AFAP1L2: variants seen among roughly 807,000 people sequenced by gnomAD.
AFAP1L2 encodes the protein actin filament associated protein 1 like 2.
AFAP1L2 carries 46 observed loss-of-function variants against 99.3 expected under a neutral mutation model. That is an observed-to-expected ratio of 0.46 (90% CI 0.37 to 0.59). The LOEUF (loss-of-function observed/expected upper bound fraction) is 0.59. AFAP1L2 is among the 20% of genes least tolerant of loss of function. The probability of loss-of-function intolerance (pLI) is 0.00; values close to 1 mark genes in which losing one functional copy is unlikely to be tolerated. For synonymous variants in AFAP1L2, 397 were observed against 419.1 expected, an observed-to-expected ratio of 0.95 and a Z score of 0.64; for missense variants, 959 against 1,034.9, an observed-to-expected ratio of 0.93 and a Z score of 1.01.
At chr10:114,366,019 A>C (rs994276403) in intron 1 of AFAP1L2, among the ~76,000 whole-genome samples, 3 of 152,146 alleles carry the variant, frequency 2.0e-5, no homozygotes, top group African/African-American at 7.2e-5. Context: ...TATAGGTATG[A>C]GCCACTGCAC....
intron 1 of AFAP1L2, among the ~76,000 whole-genome samples, chr10:114,358,474 A>C (rs537166794): frequency 8.5e-5 from 13 of 152,296 alleles, no homozygotes; most frequent in African/African-American, 3.1e-4. Flanking sequence ...CCAAAGTCAC[A>C]CAGCCAGAAA....
chr10:114,379,861 T>C (rs1289182340), intron 1 of AFAP1L2, among the ~76,000 whole-genome samples: 2 of 152,166 alleles, frequency 1.3e-5, no homozygotes, highest in Non-Finnish European at 2.9e-5. Context: ...CCCCAGAAAG[T>C]GGAAATTGGC....
intron 1 of AFAP1L2, among the ~76,000 whole-genome samples, chr10:114,343,803 G>C (rs758262987): frequency 6.6e-6 from 1 of 152,150 alleles, no homozygotes; most frequent in African/African-American, 2.4e-5. Flanking sequence ...GCTGGAGCTG[G>C]AGGCCCCAGC....
At chr10:114,296,257 C>T (rs2040210547) in intron 18 of AFAP1L2, 189 bp from the exon 19 acceptor site, 1 of 718,250 alleles carries the variant, frequency 1.4e-6, no homozygotes, top group African/African-American at 1.8e-5. Context: ...GAGACTGTGG[C>T]ACAACAGCGA....
chr10:114,394,847 G>A lies in AFAP1L2; in HGVS notation c.16+9593C>T, dbSNP rs73369165. 3.2e-3 allele frequency among the ~76,000 whole-genome samples: 480 copies of A among 152,212 alleles called. 1 individual carries two copies. Among genetic ancestry groups the A allele is most frequent in the African/African-American group, 0.011 (470 of 41,518 alleles). On this transcript the variant is annotated intron_variant, in intron 1 of 18. Coordinates refer to ENST00000304129, the MANE Select transcript of AFAP1L2 (RefSeq NM_001001936.3). ...TTCCACCGACTCCTGGGAGACATGA[G>A]TCTCACCCAGCTCAAGTACCTGCCC...
the AFAP1L2 span, chr10:114,289,458 C>T: frequency 6.2e-7 from 1 of 1,614,210 alleles, no homozygotes; most frequent in East Asian, 2.2e-5. Flanking sequence ...TGCGGTACCA[C>T]CAGGACGTGC....
intron 16 of AFAP1L2, among the ~76,000 whole-genome samples, chr10:114,298,598 C>T (rs1035698974): frequency 6.6e-6 from 1 of 152,108 alleles, no homozygotes; most frequent in African/African-American, 2.4e-5. Flanking sequence ...CACCTGTAAT[C>T]CCAGCACTTT....
At chr10:114,301,321 G>C in intron 13 of AFAP1L2, 33 bp downstream of exon 13, 1 of 1,535,180 alleles carries the variant, frequency 6.5e-7, no homozygotes, top group Non-Finnish European at 9.0e-7. Flanking sequence ...AGGGCCTGGA[G>C]AGGCCCAGGC....
At chr10:114,344,523 A>C (rs1210896506) in intron 1 of AFAP1L2, among the ~76,000 whole-genome samples, 1 of 152,212 alleles carries the variant, frequency 6.6e-6, no homozygotes, top group African/African-American at 2.4e-5. Flanking sequence ...CCTGGAAAAT[A>C]GCCTTTGTTT....
At chr10:114,346,654 G>A (rs1487561101) in intron 1 of AFAP1L2, among the ~76,000 whole-genome samples, 3 of 152,150 alleles carry the variant, frequency 2.0e-5, no homozygotes, top group Admixed American at 6.5e-5. Context: ...CTTTCATTTC[G>A]GTCTCTTCCT....
intron 1 of AFAP1L2, among the ~76,000 whole-genome samples, chr10:114,349,850 G>A (rs1431818772): frequency 1.3e-5 from 2 of 152,148 alleles, no homozygotes; most frequent in Non-Finnish European, 2.9e-5. Context: ...CACTGTGAAT[G>A]CTCTGCTCCC....
intron 1 of AFAP1L2, among the ~76,000 whole-genome samples, chr10:114,349,226 A>ACT (rs1292174952): frequency 6.6e-6 from 1 of 151,820 alleles, no homozygotes; most frequent in East Asian, 1.9e-4. Context: ...AAAAATACAA[A>ACT]AATAAGCTGG....
intron 1 of AFAP1L2, among the ~76,000 whole-genome samples, chr10:114,347,664 C>T (rs1025125757): frequency 6.6e-6 from 1 of 152,036 alleles, no homozygotes; most frequent in African/African-American, 2.4e-5. Context: ...GCATGTACCA[C>T]CACGCCCTGC....
intron 1 of AFAP1L2, among the ~76,000 whole-genome samples, chr10:114,378,435 TC>T (rs35351293): frequency 1.3e-5 from 2 of 152,158 alleles, no homozygotes; most frequent in Non-Finnish European, 2.9e-5. Context: ...CTGATACACT[TC>T]CCATGGGCAA....
intron 1 of AFAP1L2, among the ~76,000 whole-genome samples, chr10:114,360,879 G>A (rs1408740079): frequency 6.6e-6 from 1 of 152,074 alleles, no homozygotes. Context: ...TCTTTTTCAA[G>A]CAAAATTCCT....
At chr10:114,355,311 G>A (rs1170353384) in intron 1 of AFAP1L2, among the ~76,000 whole-genome samples, 3 of 148,926 alleles carry the variant, frequency 2.0e-5, no homozygotes, top group African/African-American at 7.5e-5. Context: ...CTGGAGTGCA[G>A]TGGCACGATC....
intron 1 of AFAP1L2, chr10:114,393,688 C>G: frequency 6.6e-6 from 1 of 152,164 alleles, no homozygotes; most frequent in East Asian, 1.9e-4. Flanking sequence ...ACAAAACAGC[C>G]TTTCCACTCT....
intron 1 of AFAP1L2, among the ~76,000 whole-genome samples, chr10:114,358,811 A>C (rs2051779313): frequency 6.6e-6 from 1 of 152,140 alleles, no homozygotes; most frequent in Non-Finnish European, 1.5e-5. Flanking sequence ...GCTACTGGGG[A>C]AGCTGAGGCA....
chr10:114,341,291 G>A (rs1262204588), intron 1 of AFAP1L2, among the ~76,000 whole-genome samples: 2 of 152,176 alleles, frequency 1.3e-5, no homozygotes, highest in African/African-American at 2.4e-5. Flanking sequence ...TTTAAAGTAC[G>A]AATCTGTTCA....
Sources: gnomAD v4.1 joint callset for allele counts (sites outside exome capture counted in the v4.1 genomes callset) on GRCh38, gnomAD v4.1.1 for gene constraint, MANE v1.5 for transcripts, NCBI Gene and HGNC (gene_info 2026-07-23, HGNC 2026-07-21) for gene names.